The following EYS variants were observed in gnomAD, a reference collection of about 807,000 sequenced individuals.
EYS encodes the protein EGF-like photoreceptor maintenance factor.
A neutral mutation model predicts 282.1 loss-of-function variants in EYS; 250 were observed. The observed-to-expected ratio is 0.89, with a 90% confidence interval of 0.80 to 0.98. EYS has a LOEUF of 0.98. EYS is among the 50% of genes least tolerant of loss of function. The pLI, the probability that EYS is intolerant of heterozygous loss-of-function variation, is 0.00. For missense variants in EYS, 4,016 were observed against 3,709.0 expected, an observed-to-expected ratio of 1.08 and a Z score of -2.15; for synonymous variants, 1,355 against 1,282.9, an observed-to-expected ratio of 1.06 and a Z score of -1.20.
chr6:65,142,552 T>C (rs1764374512), intron 12 of EYS, among the ~76,000 whole-genome samples: 2 of 150,138 alleles, frequency 1.3e-5, no homozygotes, highest in African/African-American at 4.9e-5. Flanking sequence ...GATTTCATAA[T>C]AGTACTATAG....
At chr6:65,597,899 G>A (rs1427426729) in intron 2 of EYS, among the ~76,000 whole-genome samples, 2 of 151,916 alleles carry the variant, frequency 1.3e-5, no homozygotes, top group African/African-American at 2.4e-5. Context: ...TCAGTAGTTC[G>A]AAACCAGCAT....
chr6:65,236,619 A>T (rs1192010262), intron 12 of EYS, among the ~76,000 whole-genome samples: 1 of 152,138 alleles, frequency 6.6e-6, no homozygotes, highest in Non-Finnish European at 1.5e-5. Context: ...AATAAAAAAA[A>T]AATAAATAAC....
At chr6:65,412,112 T>C (rs553314794) in intron 5 of EYS, among the ~76,000 whole-genome samples, 11 of 152,238 alleles carry the variant, frequency 7.2e-5, no homozygotes, top group Admixed American at 2.0e-4. Context: ...CTCAGCTCTT[T>C]ACCATGTGAG....
intron 26 of EYS, among the ~76,000 whole-genome samples, chr6:64,445,681 T>C (rs986856009): frequency 1.3e-5 from 2 of 152,226 alleles, no homozygotes; most frequent in East Asian, 1.9e-4. Flanking sequence ...AGTTTTAATA[T>C]GAGACTTGCT....
At chr6:64,168,368 C>T (rs1435085011) in intron 31 of EYS, among the ~76,000 whole-genome samples, 8 of 152,302 alleles carry the variant, frequency 5.3e-5, no homozygotes, top group East Asian at 3.9e-4. Context: ...ATGGTGCAGT[C>T]GTTTTGGAAA....
intron 22 of EYS, among the ~76,000 whole-genome samples, chr6:64,741,177 T>C (rs2149961103): frequency 6.6e-6 from 1 of 152,290 alleles, no homozygotes; most frequent in East Asian, 1.9e-4. Flanking sequence ...CCTTGATCCA[T>C]GGGCTTCAGA....
At chr6:63,905,544 A>G (rs1020597647) in intron 35 of EYS, among the ~76,000 whole-genome samples, 1 of 151,830 alleles carries the variant, frequency 6.6e-6, no homozygotes, top group Non-Finnish European at 1.5e-5. Context: ...GTTAGCCAGG[A>G]TGGTCTCCAT....
chr6:63,947,484 G>A (rs1400401780), intron 35 of EYS, among the ~76,000 whole-genome samples: 3 of 151,870 alleles, frequency 2.0e-5, no homozygotes, highest in Admixed American at 6.6e-5. Context: ...GATTTTGATT[G>A]AATTATTTGA....
At chr6:64,230,969 T>C (rs990233632) in intron 30 of EYS, 145 bp from the exon 31 acceptor site, 9 of 511,688 alleles carry the variant, frequency 1.8e-5, no homozygotes, top group East Asian at 1.5e-4. Context: ...AAAATTATCA[T>C]GTTTGTTTCA....
intron 14 of EYS, among the ~76,000 whole-genome samples, chr6:64,991,255 T>A (rs1197143809): frequency 6.6e-6 from 1 of 151,590 alleles, no homozygotes; most frequent in Admixed American, 6.6e-5. Flanking sequence ...AGTAATACAT[T>A]GTAGGCAGAT....
intron 33 of EYS, among the ~76,000 whole-genome samples, chr6:64,016,726 T>C (rs1356390727): frequency 6.6e-6 from 1 of 152,186 alleles, no homozygotes; most frequent in East Asian, 1.9e-4. Flanking sequence ...TCTGCCTATG[T>C]TGGCCTCCCA....
At chr6:64,972,904 C>G (rs1770345426) in intron 14 of EYS, among the ~76,000 whole-genome samples, 1 of 151,974 alleles carries the variant, frequency 6.6e-6, no homozygotes, top group African/African-American at 2.4e-5. Context: ...AGTAAAAAGC[C>G]TACTTTCCCA....
intron 19 of EYS, among the ~76,000 whole-genome samples, chr6:64,838,821 A>T (rs1765471246): frequency 6.6e-6 from 1 of 151,894 alleles, no homozygotes; most frequent in South Asian, 2.1e-4. Context: ...CACTTACAAC[A>T]TTTTTGTTTA....
chr6:64,706,160 A>G (rs901167210), intron 22 of EYS, among the ~76,000 whole-genome samples: 18 of 152,138 alleles, frequency 1.2e-4, no homozygotes, highest in Non-Finnish European at 2.9e-5. Context: ...ACCCAGAAAT[A>G]AAGCCAAATA....
rs369451284 is a variant in EYS at position 64,595,402 on chromosome 6, T to C, written c.3685-2093A>G. ...TAAGACAGGATGCCCACTTTCACCA[T>C]TGTTATTCACCATTGTCCCGGAAGT... On this transcript the variant is annotated intron_variant, in intron 24 of 42. Transcript: ENST00000503581. Among the ~76,000 whole-genome samples, 5 of 152,270 alleles carry C rather than the reference T, an allele frequency of 3.3e-5. No homozygotes were observed. In the East Asian group the frequency reaches 9.7e-4, roughly 29 times the overall value.
chr6:64,857,407 C>A (rs1766098172), intron 19 of EYS, among the ~76,000 whole-genome samples: 1 of 152,076 alleles, frequency 6.6e-6, no homozygotes, highest in Non-Finnish European at 1.5e-5. Flanking sequence ...CAGTTTCATC[C>A]ATTTTATTGC....
chr6:64,768,005 C>T (rs919121440), intron 22 of EYS, among the ~76,000 whole-genome samples: 15 of 151,664 alleles, frequency 9.9e-5, no homozygotes, highest in Admixed American at 3.3e-4. Context: ...TACCTTATTG[C>T]GATTTTGATT....
intron 26 of EYS, among the ~76,000 whole-genome samples, chr6:64,501,028 G>GTTT (rs35021721): frequency 2.3e-5 from 3 of 129,810 alleles, no homozygotes; most frequent in Non-Finnish European, 5.0e-5. Flanking sequence ...TTTTGGGAGA[G>GTTT]TTTTTTTTTT....
At chr6:65,273,441 G>GCC (rs2150268026) in intron 12 of EYS, among the ~76,000 whole-genome samples, 1 of 151,838 alleles carries the variant, frequency 6.6e-6, no homozygotes, top group East Asian at 1.9e-4. Flanking sequence ...GGCAAGGCAA[G>GCC]GGTTACAAAG....
Sources: allele counts gnomAD v4.1 joint callset (sites outside exome capture counted in the v4.1 genomes callset), GRCh38; gene constraint gnomAD v4.1.1; transcripts MANE v1.5; gene names NCBI Gene and HGNC (gene_info 2026-07-23, HGNC 2026-07-21).